Variants in MBD5 observed in about 807,000 individuals in gnomAD.
MBD5 encodes the protein methyl-CpG-binding domain protein 5.
Under a neutral mutation model 117.3 loss-of-function variants are expected in MBD5, and 13 were observed. The ratio of observed to expected loss-of-function variants is 0.11; its 90% CI spans 0.07 to 0.18. MBD5 has a LOEUF of 0.18. MBD5 is among the 10% of genes least tolerant of loss of function. The pLI is 1.00. For synonymous variants in MBD5, 727 were observed against 766.4 expected, an observed-to-expected ratio of 0.95 and a Z score of 0.85; for missense variants, 1,879 against 2,093.8, an observed-to-expected ratio of 0.90 and a Z score of 2.00.
intron 2 of MBD5, among the ~76,000 whole-genome samples, chr2:148,198,060 C>T (rs1001584668): frequency 2.0e-5 from 3 of 152,056 alleles, no homozygotes; most frequent in African/African-American, 7.2e-5. Context: ...GGTGATCTCC[C>T]CGCCTCAGCC....
At chr2:148,466,572 C>T (rs1184673484) in intron 7 of MBD5, among the ~76,000 whole-genome samples, 1 of 152,076 alleles carries the variant, frequency 6.6e-6, no homozygotes, top group Non-Finnish European at 1.5e-5. Flanking sequence ...ATGCTAATGA[C>T]GTTAATGTTC....
intron 4 of MBD5, among the ~76,000 whole-genome samples, chr2:148,374,368 A>T (rs1294960504): frequency 6.6e-6 from 1 of 152,142 alleles, no homozygotes; most frequent in Non-Finnish European, 1.5e-5. Context: ...GTCCTCAATT[A>T]CCATATTGTG....
At chr2:148,274,734 T>A (rs994083766) in intron 3 of MBD5, among the ~76,000 whole-genome samples, 1 of 151,602 alleles carries the variant, frequency 6.6e-6, no homozygotes, top group South Asian at 2.1e-4. Context: ...TGTTTTTTTT[T>A]TTTTTGAGAC....
chr2:148,154,922 G>A (rs1182168221), intron 1 of MBD5, among the ~76,000 whole-genome samples: 1 of 152,154 alleles, frequency 6.6e-6, no homozygotes, highest in Non-Finnish European at 1.5e-5. Context: ...GCTGTAGACA[G>A]GAGCTATTCC....
rs57577804 is a variant in MBD5, at chr2:148,307,673, G to A, written c.-679-34541G>A. Among the ~76,000 whole-genome samples the A allele has an allele frequency of 4.1e-3, 628 of 151,950 alleles. 6 individuals carry two copies. Among genetic ancestry groups the A allele is most frequent in the African/African-American group, 0.014 (588 of 41,438 alleles). On this transcript the variant is annotated intron_variant, in intron 3 of 13. Transcript: ENST00000642680. Reference sequence around the variant, plus strand: ...TTTTTTTATTATACTTTAAGTTCTGGGATACTTGTGCAGAACGTACAGGTT... The same window carrying A: ...TTTTTTTATTATACTTTAAGTTCTGAGATACTTGTGCAGAACGTACAGGTT...
chr2:148,060,223 T>G (rs1156395244), intron 1 of MBD5, among the ~76,000 whole-genome samples: 1 of 142,260 alleles, frequency 7.0e-6, no homozygotes, highest in Non-Finnish European at 1.5e-5. Flanking sequence ...GTGGGAGGAT[T>G]GCTTGAACCT....
intron 3 of MBD5, among the ~76,000 whole-genome samples, chr2:148,299,889 A>G (rs1701742259): frequency 6.6e-6 from 1 of 152,198 alleles, no homozygotes. Flanking sequence ...AGCTCCATTT[A>G]TACTGGGCCA....
intron 3 of MBD5, among the ~76,000 whole-genome samples, chr2:148,256,999 T>C (rs1700607587): frequency 6.6e-6 from 1 of 152,152 alleles, no homozygotes; most frequent in African/African-American, 2.4e-5. Flanking sequence ...ATAGGCTAAG[T>C]CATCCACACG....
At chr2:148,212,802 C>G (rs188928776) in intron 2 of MBD5, among the ~76,000 whole-genome samples, 5 of 152,304 alleles carry the variant, frequency 3.3e-5, no homozygotes, top group Admixed American at 6.5e-5. Flanking sequence ...TAAACATTCA[C>G]TAGACCCTTT....
intron 4 of MBD5, among the ~76,000 whole-genome samples, chr2:148,377,080 AG>A (rs980467512): frequency 6.6e-6 from 1 of 151,382 alleles, no homozygotes; most frequent in African/African-American, 2.4e-5. Context: ...ATATATATAA[AG>A]GGGAGTTTAT....
intron 4 of MBD5, among the ~76,000 whole-genome samples, chr2:148,409,397 G>A (rs73017115): frequency 0.21 from 27,660 of 129,020 alleles, 2,811 homozygotes; most frequent in African/African-American, 0.26. Context: ...AAAAAAAAAA[G>A]AAAGAAAGAA....
At chr2:148,391,005 A>G (rs1240577073) in intron 4 of MBD5, among the ~76,000 whole-genome samples, 1 of 152,218 alleles carries the variant, frequency 6.6e-6, no homozygotes, top group Non-Finnish European at 1.5e-5. Context: ...TAAAAGGTCT[A>G]TATAGGATAG....
chr2:148,412,704 A>T (rs758942030), intron 4 of MBD5, among the ~76,000 whole-genome samples: 1 of 151,818 alleles, frequency 6.6e-6, no homozygotes, highest in East Asian at 1.9e-4. Flanking sequence ...CAGGTATTTT[A>T]TTCTTTTTGT....
intron 1 of MBD5, among the ~76,000 whole-genome samples, chr2:148,147,245 A>T (rs577867580): frequency 6.6e-6 from 1 of 150,542 alleles, no homozygotes; most frequent in Non-Finnish European, 1.5e-5. Flanking sequence ...TATTTTATTT[A>T]TTTTATTTTT....
In MBD5 at chr2:148,443,649, C is replaced by A. The variant is rs111974585; in HGVS notation, c.-556-14554C>A. 9.6e-4 allele frequency among the ~76,000 whole-genome samples: 145 copies of A among 151,370 alleles called. 4 individuals are homozygous for A. Among genetic ancestry groups the A allele is most frequent in the African/African-American group, 3.5e-3 (142 of 40,768 alleles). On this transcript the variant is annotated intron_variant, in intron 4 of 13. Transcript: ENST00000642680. Reference sequence around the variant, plus strand: ...AATAAGCCAGGTGCACAAAGACAAACTTCACATGTTCTCACTTATTTGTGG... The same window carrying A: ...AATAAGCCAGGTGCACAAAGACAAAATTCACATGTTCTCACTTATTTGTGG...
In MBD5 at chr2:148,448,822, C is replaced by T. The variant is rs200740900; in HGVS notation, c.-556-9381C>T. On this transcript the variant is annotated intron_variant, in intron 4 of 13. Transcript: ENST00000642680. The stretch of plus-strand genomic sequence containing the variant: ...GATTTGACGTTCATATATCAAGCTG[C>T]ATCCTGAGTAGACAAAACAGTAGTA... 1.2e-4 allele frequency among the ~76,000 whole-genome samples: 19 copies of T among 152,134 alleles called. No individual in the cohort carries two copies. The East Asian group carries it at 2.9e-3, about 23-fold the overall frequency.
intron 1 of MBD5, among the ~76,000 whole-genome samples, chr2:148,077,110 TA>T (rs975274699): frequency 5.3e-5 from 8 of 152,232 alleles, no homozygotes; most frequent in African/African-American, 1.9e-4. Context: ...ATCTGTTCTA[TA>T]ATAACTGTAC....
At chr2:148,199,530 A>C (rs540929148) in intron 2 of MBD5, among the ~76,000 whole-genome samples, 1 of 152,166 alleles carries the variant, frequency 6.6e-6, no homozygotes, top group Non-Finnish European at 1.5e-5. Context: ...CCACTTTGGG[A>C]GGCCGAGGTG....
At chr2:148,317,655 G>A (rs760386079) in intron 3 of MBD5, among the ~76,000 whole-genome samples, 5 of 151,218 alleles carry the variant, frequency 3.3e-5, no homozygotes, top group Admixed American at 1.3e-4. Context: ...ATTCCACTCT[G>A]TATGTCCAAG....
Sources: allele counts gnomAD v4.1 joint callset (sites outside exome capture counted in the v4.1 genomes callset), GRCh38; gene constraint gnomAD v4.1.1; transcripts MANE v1.5; gene names NCBI Gene and HGNC (gene_info 2026-07-23, HGNC 2026-07-21).